Variants in SLC39A10 observed in about 807,000 individuals in gnomAD.
The protein encoded by SLC39A10 is solute carrier family 39 member 10, also known as zinc transporter ZIP10.
A neutral mutation model predicts 65.1 loss-of-function variants in SLC39A10; 13 were observed. The ratio of observed to expected loss-of-function variants is 0.20; its 90% CI spans 0.13 to 0.32. The LOEUF is 0.32. SLC39A10 is among the 10% of genes least tolerant of loss of function. SLC39A10 has a pLI of 1.00. For missense variants in SLC39A10, 831 were observed against 1,018.4 expected, an observed-to-expected ratio of 0.82 and a Z score of 2.50; for synonymous variants, 321 against 342.2, an observed-to-expected ratio of 0.94 and a Z score of 0.68.
intron 4 of SLC39A10, 66 bp from the exon 5 acceptor site, chr2:195,708,590 T>G: frequency 8.0e-7 from 1 of 1,248,468 alleles, no homozygotes; most frequent in South Asian, 1.8e-5. Flanking sequence ...ATAATTATTA[T>G]AATTTCAAAA....
At chr2:195,627,670 T>G (rs189615144) in intron 2 of SLC39A10, among the ~76,000 whole-genome samples, 95 of 152,334 alleles carry the variant, frequency 6.2e-4, no homozygotes, top group Non-Finnish European at 9.6e-4. Context: ...CTAGACATTT[T>G]CTTGTATAAT....
intron 3 of SLC39A10, among the ~76,000 whole-genome samples, chr2:195,690,527 A>T (rs559501773): frequency 6.6e-6 from 1 of 152,176 alleles, no homozygotes; most frequent in South Asian, 2.1e-4. Flanking sequence ...GTTTCTCCAC[A>T]TCTTTGCCAA....
At chr2:195,686,010 A>G (rs17180544) in intron 3 of SLC39A10, among the ~76,000 whole-genome samples, 18,114 of 152,238 alleles carry the variant, frequency 0.12, 1,419 homozygotes, top group Middle Eastern at 0.25. Context: ...CTTTTTTACC[A>G]TGAAGTAATG....
chr2:195,649,529 CTTA>C (rs78389806), intron 2 of SLC39A10, among the ~76,000 whole-genome samples: 22,626 of 152,134 alleles, frequency 0.15, 1,981 homozygotes, highest in African/African-American at 0.24. Flanking sequence ...GAAATTTGAT[CTTA>C]TGTGATGACA....
At chr2:195,688,932 A>G (rs1690623182) in intron 3 of SLC39A10, among the ~76,000 whole-genome samples, 1 of 152,318 alleles carries the variant, frequency 6.6e-6, no homozygotes, top group African/African-American at 2.4e-5. Context: ...AAGGACTGCC[A>G]TTTGGATTAA....
At position 195,616,883 on chromosome 2, in the gene SLC39A10, G is replaced by A. The variant is rs116876137; in HGVS notation, c.-12+10650G>A. ...CTCCCGAAGTTCTAGGATTACAGGC[G>A]GGAGCCACCGCCCCCGGCCCGGAAA... is the stretch of plus-strand genomic sequence containing the variant. On this transcript the variant is annotated intron_variant, in intron 2 of 2. Transcript: ENST00000458054. Among the ~76,000 whole-genome samples the A allele has an allele frequency of 9.9e-4, 150 of 151,870 alleles. 1 individual carries two copies. In the East Asian group the frequency reaches 0.027, roughly 27 times the overall value.
Position 195,680,213 on chromosome 2 carries a change from A to G in SLC39A10, c.171A>G (p.Glu57=). The change falls in exon 2 of 10, where the codon GAA becomes GAG. Residue 57 remains glutamate, a synonymous_variant. Coordinates refer to ENST00000359634, the MANE Select transcript of SLC39A10 (RefSeq NM_020342.3). ...EPSKFSKQAA[E]NEKKYYIEKL... is the part of the protein sequence containing the mutation. ...GCAAATTTTCAAAGCAAGCTGCTGA[A>G]AATGAAAAAAAATACTATATTGAAA... 2 of 1,613,944 alleles carry G rather than the reference A, an allele frequency of 1.2e-6. No individual in the cohort carries two copies. The highest frequency in any genetic ancestry group is 1.7e-6 in the Non-Finnish European group (2 of 1,179,972).
chr2:195,714,092 A>G (rs1049293047), intron 6 of SLC39A10, among the ~76,000 whole-genome samples: 1 of 151,948 alleles, frequency 6.6e-6, no homozygotes, highest in African/African-American at 2.4e-5. Flanking sequence ...ACGCCTGGCT[A>G]ATTTTTTTCT....
chr2:195,641,370 GT>G (rs1688807969), intron 2 of SLC39A10, among the ~76,000 whole-genome samples: 1 of 152,166 alleles, frequency 6.6e-6, no homozygotes, highest in Admixed American at 6.5e-5. Context: ...GGATTGTAGA[GT>G]TTTAGAGTTG....
At chr2:195,629,161 A>G (rs1459620311) in intron 2 of SLC39A10, among the ~76,000 whole-genome samples, 2 of 151,998 alleles carry the variant, frequency 1.3e-5, no homozygotes. Flanking sequence ...GGCCAAGGTG[A>G]GCGGATCACG....
intron 2 of SLC39A10, among the ~76,000 whole-genome samples, chr2:195,637,271 GGAC>G (rs1458569141): frequency 6.6e-6 from 1 of 152,214 alleles, no homozygotes; most frequent in Non-Finnish European, 1.5e-5. Context: ...TGTAGAAAGT[GGAC>G]AGAGGCAGTT....
chr2:195,615,096 C>G (rs1230512630), intron 2 of SLC39A10, among the ~76,000 whole-genome samples: 1 of 151,992 alleles, frequency 6.6e-6, no homozygotes, highest in Non-Finnish European at 1.5e-5. Context: ...GTCTGGTTTC[C>G]CTCATAGAAG....
intron 2 of SLC39A10, among the ~76,000 whole-genome samples, chr2:195,651,312 C>T (rs1014605221): frequency 3.9e-5 from 6 of 152,004 alleles, no homozygotes; most frequent in Non-Finnish European, 5.9e-5. Flanking sequence ...CCACAGGTCT[C>T]GAATAATGGA....
rs202193660 is a variant in SLC39A10, at chr2:195,632,290, C to CTTTTTTTTTT, written c.-12+26075_-12+26084dup. On this transcript the variant is annotated intron_variant, in intron 2 of 2. Transcript: ENST00000458054. ...AGGTCACCAGCTCTCATTCTACTTC[C>CTTTTTTTTTT]TTTTTTTTTTTTTTTTTTTTTTTTT... is the stretch of plus-strand genomic sequence containing the variant. Among the ~76,000 whole-genome samples the CTTTTTTTTTT allele has an allele frequency of 2.6e-3, 182 of 69,250 alleles. 34 individuals carry two copies. Among genetic ancestry groups the CTTTTTTTTTT allele is most frequent in the African/African-American group, 0.011 (174 of 15,966 alleles). 45.4% of individuals were successfully genotyped at this position (69,250 alleles called of 152,430 possible).
chr2:195,729,376 A>G (rs961942173), intron 9 of SLC39A10, among the ~76,000 whole-genome samples: 1 of 152,202 alleles, frequency 6.6e-6, no homozygotes, highest in African/African-American at 2.4e-5. Context: ...AAAGTTACCT[A>G]GGAGTAGTCA....
Position 195,677,630 on chromosome 2 carries a change from C to T in SLC39A10, c.-11-2402C>T, listed in dbSNP as rs1008592188. On this transcript the variant is annotated intron_variant, in intron 1 of 9. Transcript: ENST00000359634. Reference sequence around the variant, plus strand: ...TTTCTTTGGTGTTTGTCATTTTTTTCCCAATATTTGTGAAATTCATCTATG... The same window carrying T: ...TTTCTTTGGTGTTTGTCATTTTTTTTCCAATATTTGTGAAATTCATCTATG... Among the ~76,000 whole-genome samples, 5 of 152,090 alleles carry T rather than the reference C, an allele frequency of 3.3e-5. No homozygotes were observed. In the South Asian group the frequency reaches 1.0e-3, roughly 32 times the overall value.
Position 195,737,595 on chromosome 2 carries a change from C to A in SLC39A10, c.*2554C>A. Reference sequence around the variant, plus strand: ...TTTAACTTAAAAAGCTGGAAAATATCAAATGCTGTTTTTTTTTTTTCATTG... The same window carrying A: ...TTTAACTTAAAAAGCTGGAAAATATAAAATGCTGTTTTTTTTTTTTCATTG... On this transcript the variant is annotated 3_prime_UTR_variant, in exon 10 of 10. Coordinates refer to ENST00000359634, the MANE Select transcript of SLC39A10 (RefSeq NM_020342.3). 7.5e-6 allele frequency: 1 copy of A among 132,954 alleles called. No homozygotes were observed. Among genetic ancestry groups the A allele is most frequent in the South Asian group, 1.8e-4 (1 of 5,598 alleles). 8.2% of individuals were successfully genotyped at this position (132,954 alleles called of 1,614,324 possible).
At chr2:195,621,585 T>C (rs1431571247) in intron 2 of SLC39A10, among the ~76,000 whole-genome samples, 4 of 152,202 alleles carry the variant, frequency 2.6e-5, no homozygotes, top group Non-Finnish European at 4.4e-5. Flanking sequence ...GAAGCTTCCC[T>C]CTATCATTCG....
intron 2 of SLC39A10, among the ~76,000 whole-genome samples, chr2:195,621,973 G>A (rs548060576): frequency 6.6e-4 from 100 of 152,156 alleles, no homozygotes; most frequent in African/African-American, 2.1e-3. Flanking sequence ...GTTGTGCCGG[G>A]ATTTAGACTG....
Sources: gnomAD v4.1 joint callset for allele counts (sites outside exome capture counted in the v4.1 genomes callset) on GRCh38, gnomAD v4.1.1 for gene constraint, MANE v1.5 for transcripts, NCBI Gene and HGNC (gene_info 2026-07-23, HGNC 2026-07-21) for gene names.